The following DSCC1 variants were observed in gnomAD, a reference collection of about 807,000 sequenced individuals.
DSCC1 encodes sister chromatid cohesion protein DCC1.
Under a neutral mutation model 48.2 loss-of-function variants are expected in DSCC1, and 32 were observed. The observed-to-expected ratio is 0.66, with a 90% CI of 0.50 to 0.89. DSCC1 has a LOEUF of 0.89. DSCC1 is among the 40% of genes least tolerant of loss of function. The probability of loss-of-function intolerance (pLI) is 0.00; values close to 1 mark genes in which losing one functional copy is unlikely to be tolerated. For synonymous variants in DSCC1, 150 were observed against 171.5 expected (o/e 0.87, Z 0.98); for missense variants, 421 against 471.7 (o/e 0.89, Z 1.00).
intron 8 of DSCC1, among the ~76,000 whole-genome samples, chr8:119,837,672 T>C (rs968852224): frequency 6.6e-6 from 1 of 152,136 alleles, no homozygotes; most frequent in Non-Finnish European, 1.5e-5. Flanking sequence ...CTAATCTTTT[T>C]AGCTTTTTGC....
intron 4 of DSCC1, among the ~76,000 whole-genome samples, chr8:119,846,145 G>C (rs547702814): frequency 1.1e-5 from 1 of 89,048 alleles, no homozygotes; most frequent in South Asian, 3.8e-4. Flanking sequence ...ACGGAGTTTT[G>C]CTCTTTCGCC....
intron 3 of DSCC1, among the ~76,000 whole-genome samples, chr8:119,847,406 G>A (rs961356785): frequency 2.6e-5 from 4 of 152,204 alleles, no homozygotes; most frequent in Admixed American, 1.3e-4. Context: ...CACCACAAAA[G>A]GACAAATACT....
At chr8:119,841,461 C>T (rs1826768308) in intron 7 of DSCC1, among the ~76,000 whole-genome samples, 1 of 151,930 alleles carries the variant, frequency 6.6e-6, no homozygotes, top group Admixed American at 6.6e-5. Flanking sequence ...AGAAACGGAA[C>T]AAAATGAGAT....
chr8:119,843,125 T>TA (rs1563944410), intron 5 of DSCC1, among the ~76,000 whole-genome samples: 46 of 151,226 alleles, frequency 3.0e-4, no homozygotes, highest in African/African-American at 9.7e-4. Flanking sequence ...TTTTATTTTT[T>TA]TTTTTTTTTT....
intron 4 of DSCC1, among the ~76,000 whole-genome samples, chr8:119,846,258 C>T (rs1826855725): frequency 6.6e-6 from 1 of 151,930 alleles, no homozygotes; most frequent in African/African-American, 2.4e-5. Context: ...GGATTACAGG[C>T]ACCCACCACC....
At chr8:119,855,554 C>A in intron 1 of DSCC1, 60 bp downstream of exon 1, 1 of 1,503,580 alleles carries the variant, frequency 6.7e-7, no homozygotes. Context: ...CCCGACTTTC[C>A]CCGCTGAGAA....
intron 4 of DSCC1, 107 bp from the exon 5 acceptor site, chr8:119,843,854 G>A (rs1406382567): frequency 2.5e-5 from 28 of 1,122,526 alleles, no homozygotes; most frequent in South Asian, 1.8e-4. Context: ...TCAGCTCATC[G>A]CAACCTCCAC....
chr8:119,843,150 G>A (rs922571226), intron 5 of DSCC1, among the ~76,000 whole-genome samples: 7 of 147,928 alleles, frequency 4.7e-5, no homozygotes, highest in African/African-American at 1.5e-4. Context: ...GTGCAGTAGC[G>A]CAATCTCAGC....
intron 7 of DSCC1, among the ~76,000 whole-genome samples, chr8:119,841,120 T>A (rs1438513102): frequency 6.6e-6 from 1 of 151,590 alleles, no homozygotes; most frequent in Non-Finnish European, 1.5e-5. Flanking sequence ...GTCTCCCGAG[T>A]AACTAGGATT....
chr8:119,849,469 G>A (rs1329580571), intron 3 of DSCC1, among the ~76,000 whole-genome samples: 3 of 152,082 alleles, frequency 2.0e-5, no homozygotes, highest in African/African-American at 7.3e-5. Context: ...AAATGATCAC[G>A]CTAAGTGAAA....
At chr8:119,847,251 A>C (rs1826870473) in intron 3 of DSCC1, among the ~76,000 whole-genome samples, 171 bp from the exon 4 acceptor site, 1 of 152,256 alleles carries the variant, frequency 6.6e-6, no homozygotes, top group Non-Finnish European at 1.5e-5. Context: ...TGGATGTCTT[A>C]GAAAACAAAT....
intron 3 of DSCC1, among the ~76,000 whole-genome samples, chr8:119,848,776 C>T (rs1446958845): frequency 6.6e-6 from 1 of 152,164 alleles, no homozygotes; most frequent in African/African-American, 2.4e-5. Context: ...AAATGAGATA[C>T]TATTCAGCAA....
At chr8:119,841,536 T>A (rs567789113) in intron 7 of DSCC1, among the ~76,000 whole-genome samples, 1 of 152,282 alleles carries the variant, frequency 6.6e-6, no homozygotes, top group African/African-American at 2.4e-5. Flanking sequence ...GTGATAGATA[T>A]GTTCTAAAAC....
At chr8:119,842,853 G>C in intron 5 of DSCC1, 25 bp from the exon 6 acceptor site, 1 of 1,584,498 alleles carries the variant, frequency 6.3e-7, no homozygotes, top group South Asian at 1.1e-5. Flanking sequence ...ACACCCACTT[G>C]AAAAGTTATA....
chr8:119,853,359 G>T, intron 1 of DSCC1, 144 bp from the exon 2 acceptor site: 4 of 865,434 alleles, frequency 4.6e-6, no homozygotes, highest in Non-Finnish European at 6.7e-6. Context: ...CACAATGCTG[G>T]ATTCCACACA....
intron 7 of DSCC1, 23 bp downstream of exon 7, chr8:119,841,771 G>T: frequency 6.2e-7 from 1 of 1,600,746 alleles, no homozygotes; most frequent in East Asian, 2.2e-5. Flanking sequence ...TTGAAGTAAG[G>T]TGGCAATGTC....
intron 4 of DSCC1, 31 bp from the exon 5 acceptor site, chr8:119,843,778 G>T (rs767866708): frequency 6.3e-7 from 1 of 1,583,266 alleles, no homozygotes; most frequent in Admixed American, 1.9e-5. Context: ...ATTTACCAAA[G>T]AACTTTTTTT....
intron 6 of DSCC1, among the ~76,000 whole-genome samples, chr8:119,842,307 C>T (rs962560599): frequency 2.6e-5 from 4 of 151,816 alleles, no homozygotes; most frequent in African/African-American, 9.7e-5. Context: ...CTCCTGACAC[C>T]TCAGGTGATC....
chr8:119,850,866 AAAAC>A (rs568145897), intron 2 of DSCC1, among the ~76,000 whole-genome samples: 362 of 152,336 alleles, frequency 2.4e-3, no homozygotes, highest in African/African-American at 7.7e-3. Context: ...ACTTAGGCAA[AAAAC>A]AAACAAACAA....
Sources: gnomAD v4.1 joint callset for allele counts (sites outside exome capture counted in the v4.1 genomes callset) on GRCh38, gnomAD v4.1.1 for gene constraint, MANE v1.5 for transcripts, NCBI Gene and HGNC (gene_info 2026-07-23, HGNC 2026-07-21) for gene names.